Variants in SHANK2 observed in about 807,000 individuals in gnomAD.
The protein encoded by SHANK2 is SH3 and multiple ankyrin repeat domains 2, also known as SH3 and multiple ankyrin repeat domains protein 2.
Under a neutral mutation model 133.7 loss-of-function variants are expected in SHANK2, and 43 were observed. That is an observed-to-expected ratio of 0.32 (90% CI 0.25 to 0.41). SHANK2 has a LOEUF of 0.41. SHANK2 is among the 10% of genes least tolerant of loss of function. The pLI is 1.00. For synonymous variants in SHANK2, 1,017 were observed against 952.8 expected, an observed-to-expected ratio of 1.07 and a Z score of -1.24; for missense variants, 1,994 against 2,235.8, an observed-to-expected ratio of 0.89 and a Z score of 2.18.
intron 8 of SHANK2, among the ~76,000 whole-genome samples, chr11:71,084,524 C>T (rs982657523): frequency 3.2e-4 from 49 of 152,302 alleles, no homozygotes; most frequent in African/African-American, 9.1e-4. Flanking sequence ...CGATGAACGC[C>T]CAGAACCCTG....
intron 5 of SHANK2, among the ~76,000 whole-genome samples, chr11:71,110,706 G>C (rs560860639): frequency 6.6e-6 from 1 of 152,222 alleles, no homozygotes; most frequent in African/African-American, 2.4e-5. Flanking sequence ...CTGGAGCTGA[G>C]GCTTTTGGAA....
At chr11:70,480,783 A>G (rs2058722817) in intron 25 of SHANK2, among the ~76,000 whole-genome samples, 1 of 152,200 alleles carries the variant, frequency 6.6e-6, no homozygotes, top group African/African-American at 2.4e-5. Context: ...GCTTATAGAA[A>G]GTAGCTCAGT....
chr11:71,247,258 T>TA (rs1555125121), intron 1 of SHANK2, among the ~76,000 whole-genome samples: 1 of 152,182 alleles, frequency 6.6e-6, no homozygotes, highest in African/African-American at 2.4e-5. Context: ...CAGTTCCTTT[T>TA]AAAATATCGA....
intron 11 of SHANK2, among the ~76,000 whole-genome samples, chr11:70,853,408 T>C (rs1453128014): frequency 6.6e-6 from 1 of 152,072 alleles, no homozygotes; most frequent in Admixed American, 6.5e-5. Flanking sequence ...TGAGGCTGAG[T>C]GCGTCGGCCA....
intron 2 of SHANK2, among the ~76,000 whole-genome samples, chr11:71,220,239 C>T (rs1954507798): frequency 6.6e-6 from 1 of 151,392 alleles, no homozygotes; most frequent in Non-Finnish European, 1.5e-5. Context: ...AGTCTCAAAA[C>T]AGAAACAAAC....
intron 1 of SHANK2, among the ~76,000 whole-genome samples, chr11:71,234,819 G>A (rs1954804543): frequency 6.6e-6 from 1 of 152,110 alleles, no homozygotes; most frequent in Non-Finnish European, 1.5e-5. Context: ...CTGCCCCACA[G>A]GCACCCCATG....
At chr11:70,546,585 C>T (rs941888598) in intron 17 of SHANK2, among the ~76,000 whole-genome samples, 13 of 152,132 alleles carry the variant, frequency 8.5e-5, no homozygotes, top group Admixed American at 4.6e-4. Context: ...AGATCGAGAC[C>T]CTCCCAGCTT....
intron 15 of SHANK2, among the ~76,000 whole-genome samples, chr11:70,691,448 C>T (rs1945287325): frequency 6.6e-6 from 1 of 152,114 alleles, no homozygotes; most frequent in African/African-American, 2.4e-5. Context: ...AAATGGAGAC[C>T]TGGTTCCGGC....
At chr11:70,523,577 C>T (rs947519765) in intron 17 of SHANK2, among the ~76,000 whole-genome samples, 23 of 152,138 alleles carry the variant, frequency 1.5e-4, no homozygotes, top group African/African-American at 4.8e-4. Context: ...TACTGCAGCC[C>T]GGCTTTCCCA....
chr11:70,717,145 C>T (rs1565265226), intron 14 of SHANK2, among the ~76,000 whole-genome samples: 1 of 152,238 alleles, frequency 6.6e-6, no homozygotes, highest in Non-Finnish European at 1.5e-5. Flanking sequence ...GCAGGCTGCA[C>T]TCGGGAGCAG....
chr11:70,672,848 G>GA (rs1369020825), intron 15 of SHANK2, among the ~76,000 whole-genome samples: 1 of 152,176 alleles, frequency 6.6e-6, no homozygotes. Context: ...TGGAAGGAAG[G>GA]AAAAGTGCTG....
intron 17 of SHANK2, among the ~76,000 whole-genome samples, chr11:70,509,809 C>T (rs1325842722): frequency 6.6e-6 from 1 of 152,250 alleles, no homozygotes; most frequent in East Asian, 1.9e-4. Context: ...TTTGCCCTTT[C>T]TGTCCTGTGA....
At chr11:71,141,830 G>A (rs879965390) in intron 3 of SHANK2, among the ~76,000 whole-genome samples, 2 of 151,824 alleles carry the variant, frequency 1.3e-5, no homozygotes, top group Admixed American at 6.6e-5. Context: ...TGCACTATGC[G>A]AACCAACAGA....
chr11:70,889,915 A>G (rs1270616077), intron 11 of SHANK2, among the ~76,000 whole-genome samples: 1 of 152,152 alleles, frequency 6.6e-6, no homozygotes, highest in Non-Finnish European at 1.5e-5. Flanking sequence ...GGGCCAGGAC[A>G]TGGGGGAGTA....
At chr11:70,908,737 A>G (rs1950147121) in intron 10 of SHANK2, among the ~76,000 whole-genome samples, 2 of 152,216 alleles carry the variant, frequency 1.3e-5, no homozygotes, top group Non-Finnish European at 2.9e-5. Context: ...ATGCTGAACC[A>G]GGGGTTGGCG....
At chr11:70,492,695 G>C (rs1565535269) in intron 21 of SHANK2, among the ~76,000 whole-genome samples, 1 of 151,622 alleles carries the variant, frequency 6.6e-6, no homozygotes, top group Admixed American at 6.6e-5. Flanking sequence ...GGACATAGAA[G>C]ACCCTCCACA....
intron 17 of SHANK2, among the ~76,000 whole-genome samples, chr11:70,568,458 C>G (rs1444440937): frequency 1.3e-5 from 2 of 152,166 alleles, no homozygotes; most frequent in African/African-American, 2.4e-5. Flanking sequence ...CTGAAGAACT[C>G]ATTTAATGGA....
At chr11:70,767,658 T>C (rs1562191) in intron 14 of SHANK2, among the ~76,000 whole-genome samples, 69,115 of 151,694 alleles carry the variant, frequency 0.46, 16,821 homozygotes, top group East Asian at 0.66. Context: ...AAAGGGAATC[T>C]GCAGTGATGA....
intron 14 of SHANK2, among the ~76,000 whole-genome samples, chr11:70,786,354 A>G (rs1473850980): frequency 6.6e-6 from 1 of 152,122 alleles, no homozygotes; most frequent in Non-Finnish European, 1.5e-5. Flanking sequence ...GCAGAGCAGG[A>G]GTGACAATGA....
Sources: allele counts gnomAD v4.1 joint callset (sites outside exome capture counted in the v4.1 genomes callset), GRCh38; gene constraint gnomAD v4.1.1; transcripts MANE v1.5; gene names NCBI Gene and HGNC (gene_info 2026-07-23, HGNC 2026-07-21).